The following RANBP2 variants were observed in gnomAD, a reference collection of about 807,000 sequenced individuals.
RANBP2 encodes the protein E3 SUMO-protein ligase RanBP2.
Under a neutral mutation model 303.6 loss-of-function variants are expected in RANBP2, and 57 were observed. That is an observed-to-expected ratio of 0.19 (90% confidence interval 0.15 to 0.23). RANBP2 has a LOEUF of 0.23. Among genes scored for constraint, RANBP2 ranks in the 10% least tolerant of loss-of-function variants. The probability of loss-of-function intolerance (pLI) is 1.00; values close to 1 mark genes in which losing one functional copy is unlikely to be tolerated. For synonymous variants in RANBP2, 1,167 were observed against 1,301.5 expected (o/e 0.90, Z 2.23); for missense variants, 3,138 against 3,780.8 (o/e 0.83, Z 4.46).
At chr2:109,696,659 T>C in the RANBP2 span, among the ~76,000 whole-genome samples, 2 of 152,214 alleles carry the variant, frequency 1.3e-5, no homozygotes, top group African/African-American at 4.8e-5. Flanking sequence ...AGCTTAAGTT[T>C]AAAAAAACCT....
At chr2:108,843,844 T>TTGTG in the RANBP2 span, among the ~76,000 whole-genome samples, 4,240 of 22,718 alleles carry the variant, frequency 0.19, 305 homozygotes, top group African/African-American at 0.21. Flanking sequence ...AGTTCATGTT[T>TTGTG]TGTGTGTGTG....
At chr2:109,184,816 C>T in the RANBP2 span, among the ~76,000 whole-genome samples, 1 of 152,162 alleles carries the variant, frequency 6.6e-6, no homozygotes, top group East Asian at 1.9e-4. Flanking sequence ...TTGCCAAGCC[C>T]AATGAGGCAG....
At chr2:108,822,855 G>T in the RANBP2 span, among the ~76,000 whole-genome samples, 1 of 152,166 alleles carries the variant, frequency 6.6e-6, no homozygotes, top group Non-Finnish European at 1.5e-5. Flanking sequence ...AAAATCGACA[G>T]CCTGGCTGTG....
At chr2:109,764,013 G>T in the RANBP2 span, among the ~76,000 whole-genome samples, 1 of 143,434 alleles carries the variant, frequency 7.0e-6, no homozygotes, top group Non-Finnish European at 1.5e-5. Context: ...CTTCTTGCAC[G>T]CTCTTCCTGC....
chr2:109,289,181 A>G, the RANBP2 span, among the ~76,000 whole-genome samples: 1 of 152,188 alleles, frequency 6.6e-6, no homozygotes, highest in Non-Finnish European at 1.5e-5. Context: ...CTCTCTCTGC[A>G]GAAAAAGCCC....
chr2:109,399,246 C>T, the RANBP2 span, among the ~76,000 whole-genome samples: 2 of 152,192 alleles, frequency 1.3e-5, no homozygotes, highest in East Asian at 1.9e-4. Context: ...CCGTGTCAGT[C>T]GGCTTCCAGA....
intron 2 of RANBP2, among the ~76,000 whole-genome samples, chr2:108,730,338 G>A (rs1022106292): frequency 2.7e-5 from 4 of 150,766 alleles, no homozygotes; most frequent in Non-Finnish European, 5.9e-5. Context: ...TTACTTTCTT[G>A]CTTAAAGGGT....
the RANBP2 span, among the ~76,000 whole-genome samples, chr2:108,864,873 ATCACTTGAGCCCTGGAGTT>A: frequency 6.6e-6 from 1 of 151,942 alleles, no homozygotes; most frequent in African/African-American, 2.4e-5. Context: ...TGGTGGGAGA[ATCACTTGAGCCCTGGAGTT>A]CAACGTTGTA....
At chr2:108,881,050 C>T in the RANBP2 span, among the ~76,000 whole-genome samples, 110,693 of 152,094 alleles carry the variant, frequency 0.73, 43,048 homozygotes, top group East Asian at 0.95. Flanking sequence ...AAGTAACTGC[C>T]GATGTGGTGG....
intron 4 of RANBP2, 178 bp downstream of exon 4, chr2:108,731,652 T>C (rs1197249381): frequency 1.6e-6 from 2 of 1,224,620 alleles, no homozygotes; most frequent in East Asian, 2.7e-5. Flanking sequence ...TTAGGCATTG[T>C]TATACTTTAT....
chr2:109,247,648 G>A, the RANBP2 span, among the ~76,000 whole-genome samples: 1 of 151,572 alleles, frequency 6.6e-6, no homozygotes, highest in Admixed American at 6.6e-5. Flanking sequence ...CGGACTGGCT[G>A]CGTTAGCTCT....
the RANBP2 span, among the ~76,000 whole-genome samples, chr2:109,277,550 G>A: frequency 6.6e-6 from 1 of 152,174 alleles, no homozygotes; most frequent in Admixed American, 6.5e-5. Context: ...TCCGTTGAAA[G>A]TGCCTCCCTG....
chr2:109,673,306 G>A, the RANBP2 span, among the ~76,000 whole-genome samples: 123 of 152,272 alleles, frequency 8.1e-4, no homozygotes, highest in African/African-American at 2.6e-3. Flanking sequence ...AATTATTTCC[G>A]TAGTAGGTCT....
the RANBP2 span, among the ~76,000 whole-genome samples, chr2:109,328,825 C>T: frequency 6.6e-6 from 1 of 152,172 alleles, no homozygotes; most frequent in African/African-American, 2.4e-5. Flanking sequence ...CACCTGAACA[C>T]AGTGTTATCC....
the RANBP2 span, among the ~76,000 whole-genome samples, chr2:108,843,876 G>GTT: frequency 7.2e-4 from 10 of 13,872 alleles, 1 homozygote; most frequent in Non-Finnish European, 4.4e-3. Flanking sequence ...GTGTGTGTGT[G>GTT]TGTTTCTTTC....
chr2:108,917,657 A>G, the RANBP2 span, among the ~76,000 whole-genome samples: 1 of 152,114 alleles, frequency 6.6e-6, no homozygotes. Context: ...GGGGGGTCAA[A>G]CGGGAGGCGG....
the RANBP2 span, among the ~76,000 whole-genome samples, chr2:109,239,600 C>T: frequency 6.6e-6 from 1 of 152,144 alleles, no homozygotes; most frequent in Non-Finnish European, 1.5e-5. Flanking sequence ...AGACTGGGTA[C>T]AGAGCCAGGC....
At chr2:108,960,514 T>G in the RANBP2 span, among the ~76,000 whole-genome samples, 1 of 152,174 alleles carries the variant, frequency 6.6e-6, no homozygotes, top group Non-Finnish European at 1.5e-5. Context: ...CAGGGCAGGG[T>G]GCACACCTGT....
At chr2:109,710,184 G>A in the RANBP2 span, among the ~76,000 whole-genome samples, 5 of 151,026 alleles carry the variant, frequency 3.3e-5, no homozygotes, top group Non-Finnish European at 7.4e-5. Context: ...GAGTTCGAGA[G>A]CAGTCTGGCC....
Sources: gnomAD v4.1 joint callset for allele counts (sites outside exome capture counted in the v4.1 genomes callset) on GRCh38, gnomAD v4.1.1 for gene constraint, MANE v1.5 for transcripts, NCBI Gene and HGNC (gene_info 2026-07-23, HGNC 2026-07-21) for gene names.